CLEC16A: variants seen among roughly 807,000 people sequenced by gnomAD.
CLEC16A encodes the protein C-type lectin domain containing 16A.
In CLEC16A, 51 loss-of-function variants were observed where a neutral mutation model predicts 109.5. The ratio of observed to expected loss-of-function variants is 0.47; its 90% confidence interval spans 0.37 to 0.59. CLEC16A has a LOEUF of 0.59. Ranked by LOEUF, CLEC16A falls within the 20% of genes least tolerant of loss-of-function variation. The probability of loss-of-function intolerance (pLI) is 0.00; values close to 1 mark genes in which losing one functional copy is unlikely to be tolerated. For missense variants in CLEC16A, 1,339 were observed against 1,394.0 expected (o/e 0.96, Z 0.63); for synonymous variants, 673 against 564.2 (o/e 1.19, Z -2.73).
intron 19 of CLEC16A, among the ~76,000 whole-genome samples, chr16:11,081,517 C>T (rs1721904385): frequency 6.6e-6 from 1 of 152,158 alleles, no homozygotes; most frequent in African/African-American, 2.4e-5. Flanking sequence ...CTCTCCTTTC[C>T]TTTTTGCACT....
At chr16:10,997,078 C>T (rs2044373921) in intron 10 of CLEC16A, among the ~76,000 whole-genome samples, 1 of 152,144 alleles carries the variant, frequency 6.6e-6, no homozygotes, top group South Asian at 2.1e-4. Flanking sequence ...CTTCCTGCCT[C>T]AGCCTCCCAA....
chr16:11,171,050 G>T (rs1417953178), intron 23 of CLEC16A, among the ~76,000 whole-genome samples: 16 of 152,198 alleles, frequency 1.1e-4, no homozygotes, highest in Admixed American at 1.0e-3. Context: ...GATTCCTTTT[G>T]CCCATCTCCC....
intron 13 of CLEC16A, among the ~76,000 whole-genome samples, chr16:11,031,942 T>C (rs918081372): frequency 6.6e-6 from 1 of 152,192 alleles, no homozygotes; most frequent in Non-Finnish European, 1.5e-5. Context: ...GCACCGGCCG[T>C]GTGCCAGGCA....
intron 19 of CLEC16A, among the ~76,000 whole-genome samples, chr16:11,064,531 C>G (rs2048660784): frequency 6.6e-6 from 1 of 152,216 alleles, no homozygotes; most frequent in East Asian, 1.9e-4. Context: ...AATCTCAGCA[C>G]TTTGGGAGTC....
At chr16:10,977,174 A>C in intron 7 of CLEC16A, 51 bp from the exon 8 acceptor site, 1 of 1,568,904 alleles carries the variant, frequency 6.4e-7, no homozygotes, top group Non-Finnish European at 8.7e-7. Flanking sequence ...TGTTAGGCTC[A>C]AAGGCTCCTA....
chr16:11,083,623 T>A (rs2049854196), intron 19 of CLEC16A, among the ~76,000 whole-genome samples: 1 of 152,116 alleles, frequency 6.6e-6, no homozygotes, highest in Non-Finnish European at 1.5e-5. Flanking sequence ...CACCCAACCA[T>A]TTTTCTTTCC....
chr16:11,174,588 C>G lies in CLEC16A; in HGVS notation c.2807-3747C>G, dbSNP rs1162437837. ...TTCTCTGTGACATGTGCACCAGTGT[C>G]AGGCTCGGCCCGGGCCAGAAGCAGA... On this transcript the variant is annotated intron_variant, in intron 23 of 23. Transcript: ENST00000409790. The surrounding 1 kb of genome is among the most constrained non-coding windows in gnomAD (Gnocchi z 4.7). 1.3e-5 allele frequency among the ~76,000 whole-genome samples: 2 copies of G among 152,264 alleles called. No homozygotes were observed. Among genetic ancestry groups the G allele is most frequent in the Non-Finnish European group, 2.9e-5 (2 of 68,048 alleles).
chr16:11,180,326 T>A lies in CLEC16A; in HGVS notation c.*1636T>A, dbSNP rs2068919190. ...TCCTTAGAAGCCCTCTGGGTAGCTG[T>A]GCCCACCCAGCCTTCATGGCTGCAG... On this transcript the variant is annotated 3_prime_UTR_variant, in exon 24 of 24. Transcript: ENST00000409790. 1 of 152,324 alleles carries A rather than the reference T, an allele frequency of 6.6e-6. No individual in the cohort carries two copies. The highest frequency in any genetic ancestry group is 1.5e-5 in the Non-Finnish European group (1 of 68,132). The allele number at this position is 152,324 out of a possible 1,614,324, so 9.4% of individuals were successfully genotyped here.
chr16:11,036,267 C>T (rs1375957164), intron 13 of CLEC16A, among the ~76,000 whole-genome samples: 12 of 152,064 alleles, frequency 7.9e-5, no homozygotes, highest in Admixed American at 7.9e-4. Context: ...TTGCCTGTCC[C>T]TTCCCCCATC....
chr16:11,085,605 G>A (rs999181906), intron 19 of CLEC16A, among the ~76,000 whole-genome samples: 1 of 152,244 alleles, frequency 6.6e-6, no homozygotes, highest in Non-Finnish European at 1.5e-5. Context: ...GTGCTTGGTA[G>A]TTGTTATTGT....
intron 19 of CLEC16A, among the ~76,000 whole-genome samples, chr16:11,076,903 C>G (rs1198619208): frequency 3.9e-5 from 6 of 152,166 alleles, no homozygotes; most frequent in Non-Finnish European, 8.8e-5. Flanking sequence ...GCACTTCCTC[C>G]CACCCTCTTG....
Position 10,997,891 on chromosome 16 carries a change from C to T in CLEC16A, c.1072-5183C>T, listed in dbSNP as rs141886457. 2.6e-3 allele frequency among the ~76,000 whole-genome samples: 400 copies of T among 152,286 alleles called. 1 individual carries two copies. Among genetic ancestry groups the T allele is most frequent in the African/African-American group, 9.0e-3 (376 of 41,560 alleles). On this transcript the variant is annotated intron_variant, in intron 10 of 23. Coordinates refer to ENST00000409790, the MANE Select transcript of CLEC16A (RefSeq NM_015226.3). ...TGAATCATTAATTGTTGATTGATTG[C>T]AACTTGCTTTTTCTTGTGCAGCCTG... is the stretch of plus-strand genomic sequence containing the variant.
intron 10 of CLEC16A, among the ~76,000 whole-genome samples, chr16:11,002,375 G>C (rs1032800320): frequency 6.6e-6 from 1 of 152,176 alleles, no homozygotes; most frequent in African/African-American, 2.4e-5. Flanking sequence ...CTGACTTAGG[G>C]CAGTAGACAG....
chr16:10,970,543 C>G (rs2042730316), intron 4 of CLEC16A, among the ~76,000 whole-genome samples: 2 of 152,208 alleles, frequency 1.3e-5, no homozygotes, highest in Admixed American at 6.6e-5. Context: ...CCAGGTCTGA[C>G]ATTATCTGGA....
At chr16:10,965,036 C>G (rs1479024229) in intron 3 of CLEC16A, among the ~76,000 whole-genome samples, 2 of 152,208 alleles carry the variant, frequency 1.3e-5, no homozygotes, top group Non-Finnish European at 2.9e-5. Flanking sequence ...CAGCGTCTCC[C>G]CATTTCCCTC....
chr16:11,101,769 T>C (rs760247257), intron 19 of CLEC16A, among the ~76,000 whole-genome samples: 3 of 152,128 alleles, frequency 2.0e-5, no homozygotes, highest in Non-Finnish European at 4.4e-5. Context: ...ATTTCATAAG[T>C]AGTTCGTGTA....
At chr16:11,009,702 G>T (rs2045281769) in intron 11 of CLEC16A, among the ~76,000 whole-genome samples, 1 of 152,210 alleles carries the variant, frequency 6.6e-6, no homozygotes, top group Non-Finnish European at 1.5e-5. Context: ...ACAACTTAAG[G>T]GGGCAGTGCA....
chr16:11,113,677 G>A (rs1437759917), intron 19 of CLEC16A, among the ~76,000 whole-genome samples: 1 of 152,046 alleles, frequency 6.6e-6, no homozygotes, highest in African/African-American at 2.4e-5. Context: ...AAAACAGAAA[G>A]AAAAAGAAAC....
chr16:11,066,847 G>A lies in CLEC16A; in HGVS notation c.2116+5825G>A, dbSNP rs1005116921. 12 of 152,066 alleles carry A rather than the reference G, an allele frequency of 7.9e-5. 1 individual carries two copies. Among genetic ancestry groups the A allele is most frequent in the African/African-American group, 2.9e-4 (12 of 41,388 alleles). 9.4% of individuals were successfully genotyped at this position (152,066 alleles called of 1,614,324 possible). A position where few individuals can be genotyped will look rare whatever the true frequency, so the allele number is the denominator to read the frequency against. ...CATACTTCCCAGGGTCTGGGGGCCT[G>A]GAAAATACTCATCAAGTACAGAACA... is the stretch of plus-strand genomic sequence containing the variant. On this transcript the variant is annotated intron_variant, in intron 19 of 23. Coordinates refer to ENST00000409790, the MANE Select transcript of CLEC16A (RefSeq NM_015226.3).
Sources: allele counts gnomAD v4.1 joint callset (sites outside exome capture counted in the v4.1 genomes callset), GRCh38; gene constraint gnomAD v4.1.1; non-coding constraint Gnocchi (gnomAD v3.1); transcripts MANE v1.5; gene names NCBI Gene and HGNC (gene_info 2026-07-23, HGNC 2026-07-21).